Variants in URB1 observed in about 807,000 individuals in gnomAD.
The protein encoded by URB1 is URB1 ribosome biogenesis factor, also known as nucleolar pre-ribosomal-associated protein 1.
In URB1, 197 loss-of-function variants were observed where a neutral mutation model predicts 242.3. The observed-to-expected ratio is 0.81, with a 90% CI of 0.72 to 0.91. URB1 has a LOEUF of 0.91. URB1 is among the 40% of genes least tolerant of loss of function. URB1 has a pLI of 0.00. For synonymous variants in URB1, 1,153 were observed against 1,201.8 expected, an observed-to-expected ratio of 0.96 and a Z score of 0.84; for missense variants, 2,721 against 2,860.5, an observed-to-expected ratio of 0.95 and a Z score of 1.11.
intron 34 of URB1, among the ~76,000 whole-genome samples, chr21:32,321,478 A>C (rs1278904979): frequency 1.3e-5 from 2 of 152,324 alleles, no homozygotes; most frequent in South Asian, 4.1e-4. Context: ...CTGAAGGCTC[A>C]TGATTACTGA....
Position 32,347,472 on chromosome 21 carries a change from C to T in URB1, c.3352G>A (p.Ala1118Thr), listed in dbSNP as rs2033105016. 1.9e-6 allele frequency: 3 copies of T among 1,550,702 alleles called. No homozygotes were observed. Among genetic ancestry groups the T allele is most frequent in the African/African-American group, 2.7e-5 (2 of 73,052 alleles). ...LQELHPYMEG[A>T]QLREVTLALL... ...GCCAGGGTGACCTCACGGAGCTGGG[C>T]ACCCTCCATGTATGGATGCAGCTCC... Residue 1118 changes from alanine to threonine, a missense_variant, in exon 22 of 39, where the codon GCC becomes ACC. Transcript: ENST00000382751.
rs905643271 is a variant in URB1, at chr21:32,312,058, C to A, written c.*2860G>T. 1.9e-6 allele frequency: 3 copies of A among 1,607,954 alleles called. No individual in the cohort carries two copies. Among genetic ancestry groups the A allele is most frequent in the Admixed American group, 1.7e-5 (1 of 59,966 alleles). On this transcript the variant is annotated 3_prime_UTR_variant, in exon 39 of 39. Coordinates refer to ENST00000382751, the MANE Select transcript of URB1 (RefSeq NM_014825.3). ...GAAATCAAGCCAACCTGGACACATA[C>A]GTTCCTCGTTCTTCTTAGAGGCCAT... is the stretch of plus-strand genomic sequence containing the variant.
chr21:32,324,529 A>T lies in URB1; in HGVS notation c.5195T>A (p.Leu1732His), dbSNP rs895282542. ...CTGCAGGGCTGCTTTGGCAATGAAG[A>T]GAGCCAAGGTAAAAGTAAGTCTCAT... is the stretch of plus-strand genomic sequence containing the variant. ...QDMRLTFTLA[L>H]FIAKAALQIL... Residue 1732 changes from leucine (L) to histidine (H), a missense_variant, in exon 32 of 39, where the codon CTC becomes CAC. By Grantham distance (99) the Leu-to-His change is moderately conservative. Coordinates refer to ENST00000382751, the MANE Select transcript of URB1 (RefSeq NM_014825.3). The T allele has an allele frequency of 5.8e-6, 9 of 1,551,868 alleles. No individual in the cohort carries two copies. Among genetic ancestry groups the T allele is most frequent in the Admixed American group, 2.0e-5 (1 of 50,996 alleles).
At position 32,378,428 on chromosome 21, in the gene URB1, C is replaced by T; in HGVS notation, c.664+17G>A. 1 of 1,544,708 alleles carries T rather than the reference C, an allele frequency of 6.5e-7. No individual in the cohort carries two copies. Among genetic ancestry groups the T allele is most frequent in the Middle Eastern group, 1.7e-4 (1 of 5,984 alleles). On this transcript the variant is annotated intron_variant, in intron 5 of 38. Coordinates refer to ENST00000382751, the MANE Select transcript of URB1 (RefSeq NM_014825.3). The stretch of plus-strand genomic sequence containing the variant: ...AAAACAAATGGGCTTTCCTAACGGA[C>T]AAGGGAGTACACCTACCTTTCACTT...
Position 32,358,325 on chromosome 21 carries a change from C to T in URB1, c.1870-669G>A, listed in dbSNP as rs548053123. On this transcript the variant is annotated intron_variant, in intron 14 of 38. Coordinates refer to ENST00000382751, the MANE Select transcript of URB1 (RefSeq NM_014825.3). Reference sequence around the variant, plus strand: ...TGTTTACTGGGAACCAAGGCAGATGCTGTGCTGTCTGGTGGATGGTGAGCA... The same window carrying T: ...TGTTTACTGGGAACCAAGGCAGATGTTGTGCTGTCTGGTGGATGGTGAGCA... Among the ~76,000 whole-genome samples, 544 of 152,300 alleles carry T rather than the reference C, an allele frequency of 3.6e-3. 2 individuals are homozygous for T. Among genetic ancestry groups the T allele is most frequent in the African/African-American group, 0.012 (498 of 41,552 alleles).
At chr21:32,385,748 C>T (rs2033577248) in intron 1 of URB1, 64 bp from the exon 2 acceptor site, 5 of 1,535,084 alleles carry the variant, frequency 3.3e-6, no homozygotes, top group Non-Finnish European at 4.4e-6. Context: ...TCACAGCCAC[C>T]ACTGCAACCT....
At chr21:32,341,643 G>T in intron 24 of URB1, 119 bp from the exon 25 acceptor site, 1 of 849,462 alleles carries the variant, frequency 1.2e-6, no homozygotes, top group Non-Finnish European at 1.8e-6. Context: ...TACCTCCTCT[G>T]TAAAACCCAT....
At chr21:32,357,753 C>T (rs761365919) in intron 14 of URB1, 97 bp from the exon 15 acceptor site, 19 of 1,007,892 alleles carry the variant, frequency 1.9e-5, no homozygotes, top group Middle Eastern at 4.1e-4. Flanking sequence ...TGGGGCCAGG[C>T]GTGGTGGCTT....
intron 10 of URB1, among the ~76,000 whole-genome samples, chr21:32,365,959 G>GCCCAGGA (rs2033341767): frequency 6.6e-6 from 1 of 152,188 alleles, no homozygotes; most frequent in South Asian, 2.1e-4. Context: ...CACTGGCAGG[G>GCCCAGGA]CCCAGGACCC....
In URB1 at chr21:32,392,771, G is replaced by A; in HGVS notation, c.140C>T (p.Pro47Leu). Residue 47 changes from proline (P) to leucine (L), a missense_variant and splice_region_variant, in exon 1 of 39, where the codon CCA (proline) becomes CTA (leucine). Pro to Leu is a moderately conservative substitution (Grantham distance 98). Transcript: ENST00000382751. The part of the protein sequence containing the change: ...AQLKDPQGPG[P>L]GLEAFVSAAK... Reference sequence around the variant, plus strand: ...TGCGCCTGCCGCCCCGGACTCACCTGGCCCGGGGCCCTGCGGGTCCTTCAG... The same window carrying A: ...TGCGCCTGCCGCCCCGGACTCACCTAGCCCGGGGCCCTGCGGGTCCTTCAG... 6.8e-7 allele frequency: 1 copy of A among 1,477,024 alleles called. No individual in the cohort carries two copies. The highest frequency in any genetic ancestry group is 9.0e-7 in the Non-Finnish European group (1 of 1,113,040). The allele number at this position is 1,477,024 out of a possible 1,614,324, so 91.5% of individuals were successfully genotyped here.
At position 32,341,518 on chromosome 21, in the gene URB1, G is replaced by C. The variant is rs2033029487; in HGVS notation, c.4264C>G (p.Leu1422Val). 6.4e-7 allele frequency: 1 copy of C among 1,551,378 alleles called. No individual in the cohort carries two copies. Among genetic ancestry groups the C allele is most frequent in the Non-Finnish European group, 8.7e-7 (1 of 1,146,928 alleles). ...CAGTCACCAGGATCAACTTCATTAA[G>C]TGCATGCTATGAATAAAATAAGTAA... is the stretch of plus-strand genomic sequence containing the variant. ...LLRLNALLHA[L>V]NEVDPGDWQK... The change falls in exon 25 of 39, where the codon CTT (leucine) becomes GTT (valine). Residue 1422 changes from leucine to valine, a missense_variant. Transcript: ENST00000382751.
At chr21:32,341,576 T>C (rs2833778) in intron 24 of URB1, 52 bp from the exon 25 acceptor site, 184,909 of 1,512,962 alleles carry the variant, frequency 0.12, 12,425 homozygotes, top group African/African-American at 0.26. Flanking sequence ...GTCTACAAAA[T>C]ACTAAAAGGC....
intron 24 of URB1, among the ~76,000 whole-genome samples, chr21:32,343,029 AAAAC>A (rs1405072160): frequency 1.3e-5 from 2 of 152,260 alleles, no homozygotes; most frequent in East Asian, 1.9e-4. Context: ...TATTATGCTA[AAAAC>A]AAACAAAAGA....
intron 12 of URB1, among the ~76,000 whole-genome samples, chr21:32,361,665 T>A (rs2123599104): frequency 6.6e-6 from 1 of 152,314 alleles, no homozygotes; most frequent in Non-Finnish European, 1.5e-5. Flanking sequence ...AGAGACACAG[T>A]GCTCGCATAA....
intron 31 of URB1, 37 bp from the exon 32 acceptor site, chr21:32,324,639 G>A (rs1568809347): frequency 4.1e-6 from 6 of 1,474,504 alleles, no homozygotes; most frequent in African/African-American, 1.4e-5. Context: ...TGTAAGATGA[G>A]CGTGTTCAGA....
intron 38 of URB1, 84 bp from the exon 39 acceptor site, chr21:32,315,183 T>C (rs948855405): frequency 7.3e-7 from 1 of 1,370,232 alleles, no homozygotes; most frequent in Admixed American, 3.1e-5. Context: ...TGCAACGGCT[T>C]TGCCAAGTGC....
At chr21:32,392,239 T>C (rs2033647472) in intron 1 of URB1, among the ~76,000 whole-genome samples, 1 of 152,174 alleles carries the variant, frequency 6.6e-6, no homozygotes, top group African/African-American at 2.4e-5. Flanking sequence ...AAAAGTGTAA[T>C]TAAATTATAG....
chr21:32,368,661 A>C (rs1216706139), intron 8 of URB1, 63 bp from the exon 9 acceptor site: 16 of 1,380,240 alleles, frequency 1.2e-5, no homozygotes, highest in African/African-American at 1.5e-5. Flanking sequence ...CTGAGAGCTC[A>C]TGGTGACGTG....
At chr21:32,339,916 C>G (rs1188677277) in intron 25 of URB1, among the ~76,000 whole-genome samples, 1 of 152,186 alleles carries the variant, frequency 6.6e-6, no homozygotes, top group African/African-American at 2.4e-5. Context: ...GTCACCTTGC[C>G]CGGCCTCCCT....
Sources: allele counts gnomAD v4.1 joint callset (sites outside exome capture counted in the v4.1 genomes callset), GRCh38; gene constraint gnomAD v4.1.1; transcripts MANE v1.5; gene names NCBI Gene and HGNC (gene_info 2026-07-23, HGNC 2026-07-21).